EIF3K: variants seen among roughly 807,000 people sequenced by gnomAD.
The protein encoded by EIF3K is eIF-3 p28.
EIF3K carries 27 observed loss-of-function variants against 34.2 expected under a neutral mutation model. The observed-to-expected ratio is 0.79, with a 90% CI of 0.58 to 1.09. EIF3K has a LOEUF of 1.09. Among genes scored for constraint, EIF3K ranks in the 50% least tolerant of loss-of-function variants. The pLI is 0.00. For synonymous variants in EIF3K, 105 were observed against 105.7 expected, an observed-to-expected ratio of 0.99 and a Z score of 0.04; for missense variants, 232 against 275.4, an observed-to-expected ratio of 0.84 and a Z score of 1.11.
chr19:38,631,256 C>G (rs1037236924), intron 4 of EIF3K, among the ~76,000 whole-genome samples: 3 of 152,076 alleles, frequency 2.0e-5, no homozygotes, highest in Admixed American at 6.6e-5. Flanking sequence ...CCCAGGGGAC[C>G]GCGTTCAGCA....
At chr19:38,630,788 T>A (rs149165066) in intron 4 of EIF3K, 2,273 of 152,282 alleles carry the variant, frequency 0.015, 51 homozygotes, top group African/African-American at 0.05. Context: ...GCGATTCTCC[T>A]GCTTCAGCCT....
At chr19:38,625,695 A>G (rs1975935697) in intron 3 of EIF3K, among the ~76,000 whole-genome samples, 2 of 150,652 alleles carry the variant, frequency 1.3e-5, no homozygotes, top group South Asian at 4.2e-4. Flanking sequence ...TGTTTAGTAG[A>G]GATGGGGTTT....
Position 38,632,482 on chromosome 19 carries a change from A to T in EIF3K, c.407A>T (p.Asp136Val). 6.2e-7 allele frequency: 1 copy of T among 1,614,110 alleles called. No individual in the cohort carries two copies. Among genetic ancestry groups the T allele is most frequent in the Non-Finnish European group, 8.5e-7 (1 of 1,180,000 alleles). ...DLLEGITGFE[D>V]SVRKFICHVV... The stretch of plus-strand genomic sequence containing the variant: ...TTGGAAGGTATAACTGGCTTTGAAG[A>T]CTCTGTCCGAAAGTGTAAGTCCCTC... The change falls in exon 5 of 8, where the codon GAC becomes GTC. Residue 136 changes from aspartate (D) to valine (V), a missense_variant. Transcript: ENST00000248342.
At chr19:38,624,746 AAAG>A (rs1254368020) in intron 3 of EIF3K, among the ~76,000 whole-genome samples, 1 of 152,138 alleles carries the variant, frequency 6.6e-6, no homozygotes, top group Non-Finnish European at 1.5e-5. Context: ...TCAAAAAAAA[AAAG>A]AAGAGCCAGA....
chr19:38,619,190 C>G lies in EIF3K; in HGVS notation c.-79C>G. ...GACGTCGTTTCCGTTTCCACCACCT[C>G]TTCCTGTTCCCGTCCTTGAGGACGC... On this transcript the variant is annotated 5_prime_UTR_variant, in exon 1 of 8. Coordinates refer to ENST00000248342, the MANE Select transcript of EIF3K (RefSeq NM_013234.4). 6.5e-7 allele frequency: 1 copy of G among 1,532,852 alleles called. No individual in the cohort carries two copies. 95.0% of individuals were successfully genotyped at this position (1,532,852 alleles called of 1,614,324 possible).
rs1337747653 is a variant in EIF3K at position 38,627,241 on chromosome 19, C to G, written c.354+1139C>G. 2.0e-5 allele frequency among the ~76,000 whole-genome samples: 3 copies of G among 152,156 alleles called. No individual in the cohort carries two copies. In the East Asian group the frequency reaches 5.9e-4, roughly 30 times the overall value. ...CCTCAGGTGATCTGCCTGCCTCAGC[C>G]TCCCAAAGTGCTGGGATTATAGGCG... On this transcript the variant is annotated intron_variant, in intron 4 of 7. Transcript: ENST00000248342.
chr19:38,632,710 G>A (rs1457361328), intron 6 of EIF3K, 32 bp downstream of exon 6: 1 of 1,584,344 alleles, frequency 6.3e-7, no homozygotes, highest in South Asian at 1.2e-5. Context: ...TGCACATCTG[G>A]GAGGTTGGGG....
At chr19:38,628,218 T>A (rs1184409773) in intron 4 of EIF3K, among the ~76,000 whole-genome samples, 1 of 152,100 alleles carries the variant, frequency 6.6e-6, no homozygotes, top group Non-Finnish European at 1.5e-5. Context: ...GAGGCATTTT[T>A]AAAAATTAAT....
chr19:38,622,089 T>G (rs1975854229), intron 2 of EIF3K, among the ~76,000 whole-genome samples: 4 of 150,240 alleles, frequency 2.7e-5, no homozygotes, highest in Admixed American at 1.3e-4. Context: ...TTGGGTGCTT[T>G]CTTTCTTTCC....
intron 4 of EIF3K, among the ~76,000 whole-genome samples, chr19:38,630,173 A>C (rs1211600408): frequency 6.7e-6 from 1 of 148,770 alleles, no homozygotes; most frequent in Admixed American, 6.8e-5. Flanking sequence ...TTTTTTTCTG[A>C]AATGGAGTAT....
At chr19:38,624,889 G>A (rs1350394868) in intron 3 of EIF3K, among the ~76,000 whole-genome samples, 1 of 152,196 alleles carries the variant, frequency 6.6e-6, no homozygotes, top group African/African-American at 2.4e-5. Context: ...TTACCTCCCA[G>A]GAAGGATGGC....
Position 38,619,230 on chromosome 19 carries a change from G to A in EIF3K, c.-39G>A. On this transcript the variant is annotated 5_prime_UTR_variant, in exon 1 of 8. Transcript: ENST00000248342. ...CTTGAGGACGCCGTGCCGGGTCAGTGTTAGCCTCCAGCCCTGGTTGTGGAA... is the reference window on the plus strand; with the variant it reads ...CTTGAGGACGCCGTGCCGGGTCAGTATTAGCCTCCAGCCCTGGTTGTGGAA... The A allele has an allele frequency of 6.2e-7, 1 of 1,612,336 alleles. No homozygotes were observed. The highest frequency in any genetic ancestry group is 8.5e-7 in the Non-Finnish European group (1 of 1,178,776).
At chr19:38,632,521 TC>T in intron 5 of EIF3K, 25 bp downstream of exon 5, 1 of 1,613,908 alleles carries the variant, frequency 6.2e-7, no homozygotes, top group African/African-American at 1.3e-5. Context: ...GAGGCTGGGC[TC>T]CCCAAGGGGA....
chr19:38,632,227 G>GCAAT, intron 4 of EIF3K: 1 of 557,582 alleles, frequency 1.8e-6, no homozygotes, highest in South Asian at 2.1e-5. Flanking sequence ...ATCAGCCTGG[G>GCAAT]CAATATAGTG....
Position 38,632,620 on chromosome 19 carries a change from T to A in EIF3K, c.441T>A (p.Gly147=). The change falls in exon 6 of 8, where the codon GGT becomes GGA. Residue 147 remains glycine (G), a synonymous_variant. Transcript: ENST00000248342. ...SVRKFICHVV[G]ITYQHIDRWL... ...CCACAGTTATCTGCCATGTTGTGGGTATCACTTACCAGCACATTGACCGCT... is the reference window on the plus strand; with the variant it reads ...CCACAGTTATCTGCCATGTTGTGGGAATCACTTACCAGCACATTGACCGCT... 6.2e-7 allele frequency: 1 copy of A among 1,613,972 alleles called. No individual in the cohort carries two copies. The highest frequency in any genetic ancestry group is 8.5e-7 in the Non-Finnish European group (1 of 1,179,932).
At chr19:38,626,005 T>G (rs1242022064) in intron 3 of EIF3K, 23 bp from the exon 4 acceptor site, 1 of 1,613,926 alleles carries the variant, frequency 6.2e-7, no homozygotes. Context: ...AGGCCAGTTT[T>G]CCTTAATGCT....
intron 1 of EIF3K, among the ~76,000 whole-genome samples, chr19:38,619,996 G>A (rs961919331): frequency 6.6e-6 from 1 of 152,176 alleles, no homozygotes; most frequent in Non-Finnish European, 1.5e-5. Context: ...GCTGGATCAG[G>A]GTGGAGGCCT....
chr19:38,628,070 ATTT>A (rs1975985590), intron 4 of EIF3K, among the ~76,000 whole-genome samples: 1 of 151,728 alleles, frequency 6.6e-6, no homozygotes, highest in Admixed American at 6.6e-5. Context: ...CCGCCGGCTA[ATTT>A]TTGTATTTTT....
Position 38,632,651 on chromosome 19 carries a change from C to CA in EIF3K, c.472_473insA (p.Leu158HisfsTer34). 1 of 1,613,740 alleles carries CA rather than the reference C, an allele frequency of 6.2e-7. No individual in the cohort carries two copies. The highest frequency in any genetic ancestry group is 8.5e-7 in the Non-Finnish European group (1 of 1,179,830). Reference sequence around the variant, plus strand: ...TTACCAGCACATTGACCGCTGGCTGCTGGCCGAGATGCTCGGGGATCTGTC... The same window carrying CA: ...TTACCAGCACATTGACCGCTGGCTGCATGGCCGAGATGCTCGGGGATCTGTC... On this transcript the variant is annotated frameshift_variant, in exon 6 of 8. Coordinates refer to ENST00000248342, the MANE Select transcript of EIF3K (RefSeq NM_013234.4). LOFTEE classifies it high-confidence loss of function.
Sources: allele counts gnomAD v4.1 joint callset (sites outside exome capture counted in the v4.1 genomes callset), GRCh38; gene constraint gnomAD v4.1.1; transcripts MANE v1.5; gene names NCBI Gene and HGNC (gene_info 2026-07-23, HGNC 2026-07-21).